PPARGC1A: variants seen among roughly 807,000 people sequenced by gnomAD.
PPARGC1A encodes the protein peroxisome proliferator-activated receptor gamma coactivator 1-alpha.
In PPARGC1A, 25 loss-of-function variants were observed where a neutral mutation model predicts 88.7. The ratio of observed to expected loss-of-function variants is 0.28; its 90% confidence interval spans 0.21 to 0.39. The LOEUF is 0.39. Among genes scored for constraint, PPARGC1A ranks in the 10% least tolerant of loss-of-function variants. The pLI, the probability that PPARGC1A is intolerant of heterozygous loss-of-function variation, is 1.00. For missense variants in PPARGC1A, 880 were observed against 968.7 expected (o/e 0.91, Z 1.22); for synonymous variants, 363 against 355.6 (o/e 1.02, Z -0.24).
At chr4:24,070,365 A>G in the PPARGC1A span, among the ~76,000 whole-genome samples, 1 of 152,240 alleles carries the variant, frequency 6.6e-6, no homozygotes, top group Non-Finnish European at 1.5e-5. Context: ...CCTACACCTT[A>G]GTCATGATGG....
the PPARGC1A span, among the ~76,000 whole-genome samples, chr4:24,306,911 A>T: frequency 6.6e-6 from 1 of 152,244 alleles, no homozygotes; most frequent in South Asian, 2.1e-4. Context: ...AAATGTTACC[A>T]TTGTCACTAA....
the PPARGC1A span, among the ~76,000 whole-genome samples, chr4:24,200,844 A>T: frequency 1.3e-5 from 2 of 152,166 alleles, no homozygotes; most frequent in Non-Finnish European, 2.9e-5. Context: ...GATATATTTT[A>T]TATGGTTTTT....
the PPARGC1A span, among the ~76,000 whole-genome samples, chr4:24,194,129 C>CA: frequency 0.78 from 100,252 of 128,642 alleles, 39,601 homozygotes; most frequent in Middle Eastern, 0.91. Flanking sequence ...AACTCCATCT[C>CA]AAAAAAAAAA....
the PPARGC1A span, among the ~76,000 whole-genome samples, chr4:24,244,737 G>T: frequency 6.6e-6 from 1 of 152,112 alleles, no homozygotes; most frequent in Non-Finnish European, 1.5e-5. Context: ...AGTGAATAGA[G>T]GATGCCCCAA....
chr4:24,039,315 C>A, the PPARGC1A span, among the ~76,000 whole-genome samples: 5 of 152,054 alleles, frequency 3.3e-5, no homozygotes, highest in Non-Finnish European at 7.4e-5. Context: ...TGAAAACACA[C>A]AATTGCAAGG....
At chr4:23,860,454 T>C (rs936392331) in intron 2 of PPARGC1A, among the ~76,000 whole-genome samples, 1 of 152,106 alleles carries the variant, frequency 6.6e-6, no homozygotes, top group Non-Finnish European at 1.5e-5. Context: ...AGAGTAGATT[T>C]TAGGTGCTCT....
chr4:24,297,153 T>C, the PPARGC1A span, among the ~76,000 whole-genome samples: 1 of 152,174 alleles, frequency 6.6e-6, no homozygotes, highest in South Asian at 2.1e-4. Flanking sequence ...GGGTATCAAA[T>C]CAAGGCTTCT....
At chr4:23,806,480 T>G (rs1189360378) in intron 10 of PPARGC1A, among the ~76,000 whole-genome samples, 3 of 152,232 alleles carry the variant, frequency 2.0e-5, no homozygotes, top group Non-Finnish European at 2.9e-5. Context: ...AATGACATTT[T>G]CAACTTCTTA....
chr4:24,287,559 G>C, the PPARGC1A span, among the ~76,000 whole-genome samples: 1 of 151,346 alleles, frequency 6.6e-6, no homozygotes, highest in Non-Finnish European at 1.5e-5. Flanking sequence ...TTCTTACCAA[G>C]AAAGTGGCCC....
the PPARGC1A span, among the ~76,000 whole-genome samples, chr4:23,929,089 A>G: frequency 3.5e-4 from 53 of 152,216 alleles, no homozygotes; most frequent in African/African-American, 1.3e-3. Flanking sequence ...ACGTTTACCT[A>G]TGTAACAAAC....
chr4:24,464,661 G>A, the PPARGC1A span, among the ~76,000 whole-genome samples: 2 of 152,150 alleles, frequency 1.3e-5, no homozygotes, highest in African/African-American at 4.8e-5. Flanking sequence ...GCTATTACCT[G>A]CAGCTCTCTA....
chr4:24,305,148 TAC>T, the PPARGC1A span, among the ~76,000 whole-genome samples: 1 of 148,524 alleles, frequency 6.7e-6, no homozygotes. Flanking sequence ...TATATATATA[TAC>T]ATACACACAT....
chr4:24,113,082 G>A, the PPARGC1A span, among the ~76,000 whole-genome samples: 1 of 152,042 alleles, frequency 6.6e-6, no homozygotes, highest in Non-Finnish European at 1.5e-5. Context: ...GAACTTCCAG[G>A]TACACACTTT....
chr4:24,178,609 C>G, the PPARGC1A span, among the ~76,000 whole-genome samples: 1 of 152,104 alleles, frequency 6.6e-6, no homozygotes, highest in African/African-American at 2.4e-5. Context: ...AGAGACTGTC[C>G]GTTTCTACCT....
chr4:24,081,500 C>T, the PPARGC1A span, among the ~76,000 whole-genome samples: 8 of 152,150 alleles, frequency 5.3e-5, no homozygotes, highest in Non-Finnish European at 8.8e-5. Flanking sequence ...CTGCTGGACT[C>T]CCACCACTGC....
the PPARGC1A span, among the ~76,000 whole-genome samples, chr4:24,319,135 C>G: frequency 6.6e-6 from 1 of 152,096 alleles, no homozygotes; most frequent in African/African-American, 2.4e-5. Context: ...CACTTGAGGC[C>G]AGGAGTTCCA....
the PPARGC1A span, among the ~76,000 whole-genome samples, chr4:24,094,151 C>T: frequency 6.6e-6 from 1 of 152,118 alleles, no homozygotes; most frequent in Non-Finnish European, 1.5e-5. Context: ...CAGAGGCAGA[C>T]AGGAATGCCG....
the PPARGC1A span, among the ~76,000 whole-genome samples, chr4:24,158,945 A>G: frequency 6.6e-6 from 1 of 152,180 alleles, no homozygotes; most frequent in Admixed American, 6.5e-5. Context: ...CTGATATCAG[A>G]AAGTATCTTA....
the PPARGC1A span, among the ~76,000 whole-genome samples, chr4:24,426,330 C>T: frequency 5.3e-5 from 8 of 152,256 alleles, no homozygotes; most frequent in Middle Eastern, 3.4e-3. Context: ...AACAGGGCTT[C>T]TAAGGATGAA....
Sources: gnomAD v4.1 joint callset for allele counts (sites outside exome capture counted in the v4.1 genomes callset) on GRCh38, gnomAD v4.1.1 for gene constraint, MANE v1.5 for transcripts, NCBI Gene and HGNC (gene_info 2026-07-23, HGNC 2026-07-21) for gene names.